Variants in IL1RAPL2 observed in about 807,000 individuals in gnomAD.
IL1RAPL2 encodes X-linked interleukin-1 receptor accessory protein-like 2.
In IL1RAPL2, 3 loss-of-function variants were observed where a neutral mutation model predicts 44.1. The observed-to-expected ratio is 0.07, with a 90% CI of 0.03 to 0.18. The LOEUF is 0.18. Ranked by LOEUF, IL1RAPL2 falls within the 10% of genes least tolerant of loss-of-function variation. The pLI is 1.00. For missense variants in IL1RAPL2, 391 were observed against 496.4 expected (o/e 0.79, Z 2.02); for synonymous variants, 181 against 178.8 (o/e 1.01, Z -0.10).
At chrX:104,986,761 G>C (rs952969596) in intron 2 of IL1RAPL2, among the ~76,000 whole-genome samples, 7 of 112,192 alleles carry the variant, frequency 6.2e-5, no homozygotes, top group African/African-American at 2.3e-4. Flanking sequence ...ATTTTGACAG[G>C]CTTTAAGATA....
At chrX:105,597,416 A>G (rs375718090) in intron 6 of IL1RAPL2, among the ~76,000 whole-genome samples, 3 of 111,514 alleles carry the variant, frequency 2.7e-5, no homozygotes, top group East Asian at 5.7e-4. Flanking sequence ...ATTGGCTCAC[A>G]GTTCTTCAGA....
At chrX:105,681,869 A>G (rs1449610164) in intron 6 of IL1RAPL2, among the ~76,000 whole-genome samples, 1 of 112,168 alleles carries the variant, frequency 8.9e-6, no homozygotes, top group Admixed American at 9.5e-5. Context: ...ATCCTTTTCC[A>G]TGAGGCTCTG....
intron 4 of IL1RAPL2, among the ~76,000 whole-genome samples, chrX:105,262,758 G>A (rs1603037738): frequency 8.9e-6 from 1 of 112,012 alleles, no homozygotes; most frequent in South Asian, 3.7e-4. Flanking sequence ...AGGGCTCCTT[G>A]TAGTTGGTTA....
At chrX:105,740,785 T>G in intron 8 of IL1RAPL2, 94 bp downstream of exon 8, 1 of 822,201 alleles carries the variant, frequency 1.2e-6, no homozygotes. Context: ...TCATGTAGTG[T>G]AAACCTTTAT....
chrX:105,599,788 C>CAA (rs1400881346), intron 6 of IL1RAPL2, among the ~76,000 whole-genome samples: 2 of 110,684 alleles, frequency 1.8e-5, no homozygotes, highest in East Asian at 5.7e-4. Context: ...GTAACTTTGG[C>CAA]GTAGTCCTTG....
At chrX:104,685,963 T>TA (rs1052333095) in intron 2 of IL1RAPL2, among the ~76,000 whole-genome samples, 2 of 109,084 alleles carry the variant, frequency 1.8e-5, no homozygotes, top group African/African-American at 6.6e-5. Context: ...AATAAATAAA[T>TA]AATAAAAACT....
rs1328347772 is a variant in IL1RAPL2 at position 104,733,049 on chromosome X, G to T, written c.82+74054G>T. Among the ~76,000 whole-genome samples the T allele has an allele frequency of 9.9e-5, 11 of 110,989 alleles. No homozygotes were observed. In the East Asian group the frequency reaches 3.1e-3, roughly 31 times the overall value. ...ATAACCACCTCAACAGATTAAAAAA[G>T]CACTTAATATAATTCAATATAATTT... On this transcript the variant is annotated intron_variant, in intron 2 of 10. Transcript: ENST00000372582.
chrX:105,020,091 A>G (rs1382608296), intron 2 of IL1RAPL2, among the ~76,000 whole-genome samples: 3 of 110,917 alleles, frequency 2.7e-5, no homozygotes, highest in Non-Finnish European at 5.7e-5. Flanking sequence ...CTTCTGCCTC[A>G]GCCTCCTGAG....
chrX:104,587,210 C>T (rs1178266511), intron 1 of IL1RAPL2, among the ~76,000 whole-genome samples: 3 of 111,733 alleles, frequency 2.7e-5, no homozygotes, highest in Non-Finnish European at 3.8e-5. Context: ...ATGATACCTA[C>T]CTCAAAGAAT....
At chrX:105,648,607 G>C (rs1321477167) in intron 6 of IL1RAPL2, among the ~76,000 whole-genome samples, 1 of 111,496 alleles carries the variant, frequency 9.0e-6, no homozygotes, top group Non-Finnish European at 1.9e-5. Flanking sequence ...GAAAAGAAAG[G>C]ACAGATTCTC....
Position 104,961,310 on chromosome X carries a change from T to C in IL1RAPL2, c.83-234165T>C, listed in dbSNP as rs1188316614. On this transcript the variant is annotated intron_variant, in intron 2 of 10. Coordinates refer to ENST00000372582, the MANE Select transcript of IL1RAPL2 (RefSeq NM_017416.2). ...GTAGGATCACATTTGTGCATTTCAG[T>C]TGACCTTCTGGATCCTGAGCCCTTT... 3.6e-5 allele frequency among the ~76,000 whole-genome samples: 4 copies of C among 111,990 alleles called. No individual in the cohort carries two copies. In the Admixed American group the frequency reaches 3.8e-4, roughly 11 times the overall value.
chrX:105,231,164 G>A (rs921464408), intron 3 of IL1RAPL2, among the ~76,000 whole-genome samples: 23 of 112,421 alleles, frequency 2.0e-4, no homozygotes, highest in African/African-American at 7.1e-4. Context: ...ATATCCAGCA[G>A]AGATGATTAC....
chrX:105,033,290 C>T (rs1461347899), intron 2 of IL1RAPL2, among the ~76,000 whole-genome samples: 1 of 111,094 alleles, frequency 9.0e-6, no homozygotes, highest in African/African-American at 3.3e-5. Flanking sequence ...TTATTTTGTT[C>T]GTTAGTTGAT....
chrX:104,708,112 C>A (rs190826168), intron 2 of IL1RAPL2, among the ~76,000 whole-genome samples: 1 of 111,753 alleles, frequency 8.9e-6, no homozygotes, highest in Non-Finnish European at 1.9e-5. Context: ...CTGCAAATAT[C>A]CCTGCTTGCT....
chrX:105,067,217 C>T (rs762632718), intron 2 of IL1RAPL2, among the ~76,000 whole-genome samples: 6 of 111,135 alleles, frequency 5.4e-5, no homozygotes, highest in Admixed American at 9.6e-5. Context: ...GACACACACA[C>T]GCGCACACAC....
intron 2 of IL1RAPL2, among the ~76,000 whole-genome samples, chrX:104,897,993 G>A (rs1923702100): frequency 8.9e-6 from 1 of 112,170 alleles, no homozygotes; most frequent in African/African-American, 3.2e-5. Context: ...TCCTACTCAA[G>A]ACTTAACTGA....
rs746836650 is a variant in IL1RAPL2 at position 105,767,597 on chromosome X, A to C, written c.1997A>C (p.His666Pro). Residue 666 changes from histidine to proline, a missense_variant, in exon 11 of 11, where the codon CAC (histidine) becomes CCC (proline). By Grantham distance (77) the His-to-Pro change is moderately conservative. This residue lies in a region of IL1RAPL2 where 232 missense variants were observed against 244.8 expected (regional missense o/e 0.95). Coordinates refer to ENST00000372582, the MANE Select transcript of IL1RAPL2 (RefSeq NM_017416.2). Reference protein sequence around the residue: ...NNTLKDTQEFHRNSSLLPLSS... With the variant: ...NNTLKDTQEFPRNSSLLPLSS... ...ACCCTGAAAGATACCCAGGAATTTCACAGGAACAGTTCTTTGCTGCCTTTA... is the reference window on the plus strand; with the variant it reads ...ACCCTGAAAGATACCCAGGAATTTCCCAGGAACAGTTCTTTGCTGCCTTTA... The C allele has an allele frequency of 2.5e-6, 3 of 1,211,344 alleles. No individual in the cohort carries two copies. In the East Asian group the frequency reaches 8.9e-5, roughly 36 times the overall value.
intron 2 of IL1RAPL2, among the ~76,000 whole-genome samples, chrX:104,823,103 A>ATT (rs370935873): frequency 9.3e-6 from 1 of 107,836 alleles, no homozygotes; most frequent in Non-Finnish European, 1.9e-5. Flanking sequence ...TTGCACATTG[A>ATT]TTTTTTTTTT....
chrX:105,085,683 C>T (rs186586801), intron 2 of IL1RAPL2, among the ~76,000 whole-genome samples: 4 of 111,448 alleles, frequency 3.6e-5, no homozygotes, highest in African/African-American at 9.8e-5. Context: ...TACAGTTAAC[C>T]GTTGAACAAC....
Sources: allele counts gnomAD v4.1 joint callset (sites outside exome capture counted in the v4.1 genomes callset), GRCh38; gene constraint gnomAD v4.1.1; regional missense constraint gnomAD v4.1.1; transcripts MANE v1.5; gene names NCBI Gene and HGNC (gene_info 2026-07-23, HGNC 2026-07-21).